GRHPR: variants seen among roughly 807,000 people sequenced by gnomAD.
GRHPR encodes the protein glyoxylate and hydroxypyruvate reductase.
Under a neutral mutation model 36.8 loss-of-function variants are expected in GRHPR, and 35 were observed. The observed-to-expected ratio is 0.95, with a 90% CI of 0.73 to 1.26. The LOEUF (loss-of-function observed/expected upper bound fraction) is 1.26, where lower values mean the gene tolerates loss of function less well. Among genes scored for constraint, GRHPR ranks in the 50% most tolerant of loss-of-function variants. The pLI is 0.00. For missense variants in GRHPR, 380 were observed against 435.0 expected (o/e 0.87, Z 1.12); for synonymous variants, 179 against 181.0 (o/e 0.99, Z 0.09).
intron 2 of GRHPR, 26 bp from the exon 3 acceptor site, chr9:37,425,896 C>A (rs1251852725): frequency 3.8e-6 from 6 of 1,559,998 alleles, no homozygotes; most frequent in Admixed American, 1.7e-5. Context: ...AGGAAAGATA[C>A]TAACAATGCA....
intron 1 of GRHPR, 54 bp downstream of exon 1, chr9:37,422,887 G>A: frequency 2.3e-6 from 3 of 1,323,516 alleles, no homozygotes; most frequent in Non-Finnish European, 3.2e-6. Flanking sequence ...AGGGACCGGA[G>A]AGCCGGGCGG....
chr9:37,428,617 G>A (rs373213853), intron 5 of GRHPR, 45 bp downstream of exon 5: 21 of 1,306,812 alleles, frequency 1.6e-5, no homozygotes, highest in African/African-American at 1.4e-4. Context: ...CTCTCACAGC[G>A]TGGTTTGCAT....
rs765995083 is a variant in GRHPR at position 37,436,829 on chromosome 9, T to C, written c.*47T>C. The C allele has an allele frequency of 6.2e-7, 1 of 1,608,444 alleles. No individual in the cohort carries two copies. The highest frequency in any genetic ancestry group is 8.5e-7 in the Non-Finnish European group (1 of 1,175,104). ...CCGGGAAGCAAACCGTGCCCTGGTA[T>C]TGTCAGACACACCCAGGCTTGATTT... On this transcript the variant is annotated 3_prime_UTR_variant, in exon 9 of 9. Transcript: ENST00000318158.
chr9:37,426,674 G>T lies in GRHPR; in HGVS notation c.404+20G>T. 7.2e-7 allele frequency: 1 copy of T among 1,396,928 alleles called. No individual in the cohort carries two copies. Among genetic ancestry groups the T allele is most frequent in the Non-Finnish European group, 1.0e-6 (1 of 981,778 alleles). The allele number at this position is 1,396,928 out of a possible 1,614,324, so 86.5% of individuals were successfully genotyped here. ...GAAGAAGTAAGTGAACGCAGACCAG[G>T]TGCGGTGGCTCACGGCTGTAATCCC... On this transcript the variant is annotated intron_variant, in intron 4 of 8. Coordinates refer to ENST00000318158, the MANE Select transcript of GRHPR (RefSeq NM_012203.2).
At chr9:37,427,173 G>T (rs1216920032) in intron 4 of GRHPR, among the ~76,000 whole-genome samples, 1 of 152,164 alleles carries the variant, frequency 6.6e-6, no homozygotes, top group African/African-American at 2.4e-5. Flanking sequence ...AAGTTCTGCT[G>T]GTGGGTGAGG....
At chr9:37,428,271 C>A (rs1040127385) in intron 4 of GRHPR, 1 of 604,336 alleles carries the variant, frequency 1.7e-6, no homozygotes, top group Non-Finnish European at 3.0e-6. Flanking sequence ...GGCCCCTTCC[C>A]GCCCTCAAGT....
rs551166015 is a variant in GRHPR at position 37,432,660 on chromosome 9, AGAGT to A, written c.865+526_865+529del. 300 of 190,984 alleles carry A rather than the reference AGAGT, an allele frequency of 1.6e-3. 2 individuals carry two copies. The highest frequency in any genetic ancestry group is 6.6e-3 in the African/African-American group (284 of 42,938). 11.8% of individuals were successfully genotyped at this position (190,984 alleles called of 1,614,324 possible). A position where few individuals can be genotyped will look rare whatever the true frequency, so the allele number is the denominator to read the frequency against. ...GCCACTGCACTCCAGCCTGGGTGGC[AGAGT>A]GAGACTCCATCTCCAAAACAACAAC... is the stretch of plus-strand genomic sequence containing the variant. On this transcript the variant is annotated intron_variant, in intron 8 of 8. Transcript: ENST00000318158.
chr9:37,427,427 A>G (rs1022670310), intron 4 of GRHPR, among the ~76,000 whole-genome samples: 6 of 152,186 alleles, frequency 3.9e-5, no homozygotes, highest in Non-Finnish European at 1.5e-5. Context: ...CTGCCCAGAC[A>G]CTGCAGAGGG....
chr9:37,422,672 G>C (rs925655701), upstream of GRHPR: 6 of 1,184,062 alleles, frequency 5.1e-6, no homozygotes, highest in South Asian at 5.2e-5. Flanking sequence ...GCCCACTCCA[G>C]CCTGGCCCCG....
At chr9:37,432,593 G>A (rs1412245071) in intron 8 of GRHPR, 4 of 227,344 alleles carry the variant, frequency 1.8e-5, no homozygotes, top group Middle Eastern at 1.7e-3. Flanking sequence ...CAGAAGAATC[G>A]CTTGAACCCA....
chr9:37,424,860 G>C lies in GRHPR; in HGVS notation c.99G>C (p.Gln33His). The C allele has an allele frequency of 6.2e-7, 1 of 1,613,450 alleles. No individual in the cohort carries two copies. Among genetic ancestry groups the C allele is most frequent in the Non-Finnish European group, 8.5e-7 (1 of 1,179,878 alleles). Residue 33 changes from glutamine (Q) to histidine (H), a missense_variant, in exon 2 of 9, where the codon CAG becomes CAC. By Grantham distance (24) the Gln-to-His change is conservative. Transcript: ENST00000318158. ...LARAADCEVEQWDSDEPIPAK... is the reference protein window; with the variant it reads ...LARAADCEVEHWDSDEPIPAK... ...TTCCCCGCAGCTGTGAGGTGGAGCA[G>C]TGGGACTCGGATGAGCCCATCCCTG... is the stretch of plus-strand genomic sequence containing the variant.
chr9:37,429,331 T>C, intron 5 of GRHPR: 1 of 283,850 alleles, frequency 3.5e-6, no homozygotes, highest in Non-Finnish European at 6.9e-6. Context: ...AAAAGTCAAA[T>C]GGGGTCTGAG....
At position 37,430,525 on chromosome 9, in the gene GRHPR, C is replaced by A. The variant is rs767361628; in HGVS notation, c.613C>A (p.Leu205Met). The change falls in exon 7 of 9, where the codon CTG (leucine) becomes ATG (methionine). Residue 205 changes from leucine to methionine, a missense_variant. Leu to Met is a conservative substitution (Grantham distance 15). Transcript: ENST00000318158. ...FQAEFVSTPE[L>M]AAQSDFIVVA... ...CCCTCCCTCAGTGTCTACCCCTGAG[C>A]TGGCTGCCCAATCTGATTTCATCGT... The A allele has an allele frequency of 1.9e-6, 3 of 1,613,926 alleles. No individual in the cohort carries two copies. The highest frequency in any genetic ancestry group is 1.7e-6 in the Non-Finnish European group (2 of 1,179,766).
chr9:37,429,694 CG>C, intron 5 of GRHPR, 37 bp from the exon 6 acceptor site: 1 of 1,340,306 alleles, frequency 7.5e-7, no homozygotes, highest in African/African-American at 1.4e-5. Flanking sequence ...CTACCCTTTG[CG>C]GGACTGGGAA....
intron 3 of GRHPR, 94 bp from the exon 4 acceptor site, chr9:37,426,444 A>G: frequency 1.1e-6 from 1 of 884,386 alleles, no homozygotes; most frequent in South Asian, 1.3e-5. Context: ...GGCAGATCAA[A>G]GAGGGAGCAA....
intron 4 of GRHPR, chr9:37,427,821 C>A (rs10973333): frequency 1.3e-5 from 2 of 149,394 alleles, no homozygotes; most frequent in Admixed American, 1.3e-4. Flanking sequence ...CTGGGCGACA[C>A]AGCAAGACCC....
chr9:37,427,932 TCA>T (rs1279797694), intron 4 of GRHPR: 1 of 163,998 alleles, frequency 6.1e-6, no homozygotes, highest in Non-Finnish European at 1.3e-5. Context: ...ACGCAGGCTC[TCA>T]CAGTGCGTGG....
chr9:37,430,444 G>A (rs1823305596), intron 6 of GRHPR, 67 bp from the exon 7 acceptor site: 1 of 1,383,052 alleles, frequency 7.2e-7, no homozygotes, highest in Non-Finnish European at 1.0e-6. Context: ...GCAAGGGGCT[G>A]GTCTCCCGCC....
At position 37,424,988 on chromosome 9, in the gene GRHPR, TG is replaced by T. The variant is rs1179180099; in HGVS notation, c.214+16del. 3.1e-6 allele frequency: 5 copies of T among 1,610,918 alleles called. No homozygotes were observed. In the Admixed American group the frequency reaches 8.3e-5, roughly 27 times the overall value. On this transcript the variant is annotated intron_variant, in intron 2 of 8. Transcript: ENST00000318158. ...CTGGATGCTGCAGGTGCACACTGGG[TG>T]GGCAGGGGACTTGAGGGTGGCTTGG...
Sources: allele counts gnomAD v4.1 joint callset (sites outside exome capture counted in the v4.1 genomes callset), GRCh38; gene constraint gnomAD v4.1.1; transcripts MANE v1.5; gene names NCBI Gene and HGNC (gene_info 2026-07-23, HGNC 2026-07-21).